Variants in CELF2 observed in about 807,000 individuals in gnomAD.
CELF2 encodes CUGBP Elav-like family member 2.
A neutral mutation model predicts 62.6 loss-of-function variants in CELF2; 8 were observed. The observed-to-expected ratio is 0.13, with a 90% confidence interval of 0.07 to 0.23. The LOEUF (loss-of-function observed/expected upper bound fraction) is 0.23. Ranked by LOEUF, CELF2 falls within the 10% of genes least tolerant of loss-of-function variation. CELF2 has a pLI of 1.00. For synonymous variants in CELF2, 258 were observed against 250.0 expected, an observed-to-expected ratio of 1.03 and a Z score of -0.30; for missense variants, 333 against 671.0, an observed-to-expected ratio of 0.50 and a Z score of 5.56.
At chr10:10,593,458 A>G in the CELF2 span, among the ~76,000 whole-genome samples, 190 of 152,306 alleles carry the variant, frequency 1.2e-3, no homozygotes, top group African/African-American at 4.3e-3. Flanking sequence ...GCAAACCCCA[A>G]TGCCCAAGCA....
chr10:11,160,638 C>G (rs1404066928), intron 1 of CELF2, among the ~76,000 whole-genome samples: 1 of 98,154 alleles, frequency 1.0e-5, no homozygotes, highest in Non-Finnish European at 1.9e-5. Flanking sequence ...TGGATTATCC[C>G]AAGGATCAAA....
the CELF2 span, among the ~76,000 whole-genome samples, chr10:10,489,893 G>A: frequency 6.6e-6 from 1 of 151,728 alleles, no homozygotes; most frequent in African/African-American, 2.4e-5. Context: ...ATCTATGTGA[G>A]TACAGGTTTG....
intron 2 of CELF2, among the ~76,000 whole-genome samples, chr10:10,985,567 A>G (rs1259051497): frequency 6.6e-6 from 1 of 152,194 alleles, no homozygotes; most frequent in Non-Finnish European, 1.5e-5. Context: ...CATCTTTTAC[A>G]AGTTTCCTTT....
chr10:10,914,162 G>GA (rs1265687209), intron 1 of CELF2, among the ~76,000 whole-genome samples: 5 of 151,548 alleles, frequency 3.3e-5, no homozygotes, highest in Non-Finnish European at 7.4e-5. Flanking sequence ...GTACTTTTGG[G>GA]AAAAAAATTA....
chr10:10,597,019 G>A, the CELF2 span, among the ~76,000 whole-genome samples: 1 of 152,166 alleles, frequency 6.6e-6, no homozygotes, highest in Admixed American at 6.5e-5. Flanking sequence ...CAAAGCACCA[G>A]AGTGACACAT....
chr10:11,068,745 A>G (rs1351553630), intron 1 of CELF2, among the ~76,000 whole-genome samples: 1 of 152,022 alleles, frequency 6.6e-6, no homozygotes, highest in African/African-American at 2.4e-5. Context: ...TATTTTTAGT[A>G]GAGATGGGGT....
chr10:10,962,971 G>A (rs916251790), intron 2 of CELF2, among the ~76,000 whole-genome samples: 5 of 151,952 alleles, frequency 3.3e-5, no homozygotes, highest in Non-Finnish European at 7.4e-5. Flanking sequence ...TAAGTCAAAT[G>A]GATTGTATTT....
the CELF2 span, among the ~76,000 whole-genome samples, chr10:10,466,652 T>C: frequency 3.4e-4 from 52 of 152,268 alleles, no homozygotes; most frequent in African/African-American, 1.2e-3. Context: ...GCTGTAACAT[T>C]TGATACTTTC....
chr10:11,165,267 T>C lies in CELF2; in HGVS notation c.75-219T>C, dbSNP rs2066723480. ...CTGCCCCGTGCTCCCCCGGCTCTGC[T>C]CGACAGCAGCACGCAGTGAGAGCCT... On this transcript the variant is annotated intron_variant, in intron 1 of 12. Coordinates refer to ENST00000633077, the MANE Select transcript of CELF2 (RefSeq NM_001326342.2). This position sits in a 1 kb window ranked among gnomAD's most constrained non-coding sequence, Gnocchi z 7.4. 5 of 1,381,470 alleles carry C rather than the reference T, an allele frequency of 3.6e-6. No individual in the cohort carries two copies. The highest frequency in any genetic ancestry group is 4.7e-6 in the Non-Finnish European group (5 of 1,067,650). 85.6% of individuals were successfully genotyped at this position (1,381,470 alleles called of 1,614,324 possible).
the CELF2 span, among the ~76,000 whole-genome samples, chr10:10,517,354 C>T: frequency 6.6e-6 from 1 of 152,094 alleles, no homozygotes; most frequent in African/African-American, 2.4e-5. Context: ...AATCAGCTTC[C>T]TCATGTTCCC....
rs1592073118 is a variant in CELF2 at position 10,931,054 on chromosome 10, T to C, written c.89+11055T>C. ...TGTCGAGCTACCAAGAACACATAAA[T>C]TAATAAAATTTATTCCCATGTATAC... On this transcript the variant is annotated intron_variant, in intron 2 of 13. Coordinates refer to the CELF2 transcript ENST00000636488. This position sits in a 1 kb window ranked among gnomAD's most constrained non-coding sequence, Gnocchi z 6.1. Among the ~76,000 whole-genome samples the C allele has an allele frequency of 2.0e-5, 3 of 152,334 alleles. No individual in the cohort carries two copies. The South Asian group carries it at 6.2e-4, about 32-fold the overall frequency.
chr10:10,692,312 T>C, the CELF2 span, among the ~76,000 whole-genome samples: 1 of 151,912 alleles, frequency 6.6e-6, no homozygotes, highest in East Asian at 1.9e-4. Context: ...AAAGATCAGA[T>C]AGTTGTAGAT....
chr10:10,525,334 A>G, the CELF2 span, among the ~76,000 whole-genome samples: 1 of 152,172 alleles, frequency 6.6e-6, no homozygotes, highest in African/African-American at 2.4e-5. Flanking sequence ...ACACAAATTC[A>G]TAAACTGTCT....
the CELF2 span, among the ~76,000 whole-genome samples, chr10:10,560,701 TTGAAAAAGATACTTGTACACGCA>T: frequency 1.3e-5 from 2 of 152,170 alleles, no homozygotes; most frequent in Non-Finnish European, 2.9e-5. Context: ...AAATCATTAT[TTGAAAAAGATACTTGTACACGCA>T]TGTTTATAGC....
intron 1 of CELF2, among the ~76,000 whole-genome samples, chr10:10,820,122 G>GCCA (rs1412111580): frequency 3.3e-5 from 5 of 151,960 alleles, no homozygotes; most frequent in Non-Finnish European, 7.4e-5. Flanking sequence ...TTTTTCTCTT[G>GCCA]CCACCACCAT....
chr10:11,163,358 C>G (rs945973216), intron 1 of CELF2, among the ~76,000 whole-genome samples: 1 of 152,196 alleles, frequency 6.6e-6, no homozygotes, highest in Non-Finnish European at 1.5e-5. Context: ...ACAAGTCTTT[C>G]CTGTCCCAGA....
the CELF2 span, among the ~76,000 whole-genome samples, chr10:10,774,783 A>G: frequency 6.6e-6 from 1 of 152,322 alleles, no homozygotes; most frequent in East Asian, 1.9e-4. Flanking sequence ...AGAAGGGACC[A>G]GCGGGTTTAG....
the CELF2 span, among the ~76,000 whole-genome samples, chr10:10,483,214 C>CAA: frequency 7.9e-4 from 74 of 93,374 alleles, 1 homozygote; most frequent in African/African-American, 2.6e-3. Flanking sequence ...GGCAGAATAC[C>CAA]AAAAAAAAAA....
rs988222415 is a variant in CELF2 at position 11,214,590 on chromosome 10, C to T, written c.272-2835C>T. ...CCCTCTTGGAATCGGCACAAAGGCTCCAGGCTTCCCTGCCAAACGCGGCGC... is the reference window on the plus strand; with the variant it reads ...CCCTCTTGGAATCGGCACAAAGGCTTCAGGCTTCCCTGCCAAACGCGGCGC... On this transcript the variant is annotated intron_variant, in intron 2 of 12. Transcript: ENST00000633077. This position sits in a 1 kb window ranked among gnomAD's most constrained non-coding sequence, Gnocchi z 4.2. Among the ~76,000 whole-genome samples, 29 of 152,340 alleles carry T rather than the reference C, an allele frequency of 1.9e-4. No individual in the cohort carries two copies. Among genetic ancestry groups the T allele is most frequent in the Non-Finnish European group, 2.8e-4 (19 of 68,028 alleles).
Sources: allele counts gnomAD v4.1 joint callset (sites outside exome capture counted in the v4.1 genomes callset), GRCh38; gene constraint gnomAD v4.1.1; non-coding constraint Gnocchi (gnomAD v3.1); transcripts MANE v1.5; gene names NCBI Gene and HGNC (gene_info 2026-07-23, HGNC 2026-07-21).